SLC35F4: variants seen among roughly 807,000 people sequenced by gnomAD.
SLC35F4 encodes solute carrier family 35 member F4.
A neutral mutation model predicts 44.2 loss-of-function variants in SLC35F4; 24 were observed. The observed-to-expected ratio is 0.54, with a 90% CI of 0.39 to 0.76. The LOEUF is 0.76. Among genes scored for constraint, SLC35F4 ranks in the 30% least tolerant of loss-of-function variants. The pLI is 0.00. For missense variants in SLC35F4, 562 were observed against 586.1 expected (o/e 0.96, Z 0.42); for synonymous variants, 238 against 223.6 (o/e 1.06, Z -0.57).
downstream of SLC35F4, among the ~76,000 whole-genome samples, chr14:57,972,545 A>G (rs201293815): frequency 8.4e-5 from 12 of 142,162 alleles, no homozygotes; most frequent in East Asian, 9.3e-4. Flanking sequence ...GCTGAAGTGG[A>G]AAAAAAAAAA....
intron 1 of SLC35F4, among the ~76,000 whole-genome samples, chr14:57,981,716 C>T (rs973749600): frequency 5.3e-5 from 8 of 152,016 alleles, no homozygotes; most frequent in Non-Finnish European, 1.2e-4. Context: ...CAAAGGAATA[C>T]CTTCAAAGAC....
At chr14:57,795,934 A>G (rs1232215855) in intron 1 of SLC35F4, among the ~76,000 whole-genome samples, 1 of 151,976 alleles carries the variant, frequency 6.6e-6, no homozygotes, top group African/African-American at 2.4e-5. Context: ...CTAGTTTTTC[A>G]ATCCTCGCCC....
chr14:57,867,516 A>G (rs12436116), upstream of SLC35F4, among the ~76,000 whole-genome samples: 3,528 of 152,122 alleles, frequency 0.023, 427 homozygotes, highest in East Asian at 0.39. Context: ...CTAAAAGGTC[A>G]AAAGGAACTA....
At chr14:57,788,111 C>A (rs537551270) in intron 1 of SLC35F4, among the ~76,000 whole-genome samples, 1 of 151,926 alleles carries the variant, frequency 6.6e-6, no homozygotes, top group African/African-American at 2.4e-5. Context: ...AAAACAAGCA[C>A]GGGTAGCTGT....
chr14:57,662,069 G>A (rs902581172), intron 1 of SLC35F4, among the ~76,000 whole-genome samples: 1 of 152,152 alleles, frequency 6.6e-6, no homozygotes, highest in African/African-American at 2.4e-5. Context: ...TAAGGCAGAT[G>A]TCAGAGACTG....
At chr14:57,964,663 T>C (rs1890400389) in intron 1 of SLC35F4, among the ~76,000 whole-genome samples, 1 of 151,946 alleles carries the variant, frequency 6.6e-6, no homozygotes, top group South Asian at 2.1e-4. Context: ...GAGGAAGAGG[T>C]TGTGCAGAAT....
chr14:57,866,504 A>G (rs1888163019), upstream of SLC35F4, among the ~76,000 whole-genome samples: 1 of 152,116 alleles, frequency 6.6e-6, no homozygotes, highest in South Asian at 2.1e-4. Context: ...ATGAAATGAC[A>G]AGAAAATTAG....
chr14:57,617,854 G>A (rs943728868), intron 1 of SLC35F4, among the ~76,000 whole-genome samples: 4 of 152,080 alleles, frequency 2.6e-5, no homozygotes, highest in Non-Finnish European at 5.9e-5. Context: ...TTTACAGGTC[G>A]TGATAGTTTA....
At chr14:57,649,123 C>T (rs1306317134) in intron 1 of SLC35F4, among the ~76,000 whole-genome samples, 3 of 152,236 alleles carry the variant, frequency 2.0e-5, no homozygotes, top group Non-Finnish European at 4.4e-5. Context: ...AAACTTCTCA[C>T]ACCTTTTCCT....
At chr14:57,945,678 G>A (rs539509662) in intron 1 of SLC35F4, among the ~76,000 whole-genome samples, 1 of 152,166 alleles carries the variant, frequency 6.6e-6, no homozygotes, top group South Asian at 2.1e-4. Context: ...TCTACTTTTA[G>A]TTCTTTAAGG....
intron 1 of SLC35F4, among the ~76,000 whole-genome samples, chr14:57,616,171 T>G (rs1373502793): frequency 6.6e-6 from 1 of 152,190 alleles, no homozygotes; most frequent in African/African-American, 2.4e-5. Context: ...TCTCCAGAAC[T>G]TTTTCAGCTT....
At chr14:57,733,833 A>AG (rs2076404204) in intron 1 of SLC35F4, among the ~76,000 whole-genome samples, 1 of 78,384 alleles carries the variant, frequency 1.3e-5, no homozygotes. Flanking sequence ...GTTATAAAGG[A>AG]TAATGCTTGC....
intron 1 of SLC35F4, among the ~76,000 whole-genome samples, chr14:57,878,161 G>T (rs1371898796): frequency 1.3e-5 from 2 of 151,802 alleles, no homozygotes; most frequent in Non-Finnish European, 1.5e-5. Flanking sequence ...TTTTTAATGG[G>T]GCTGTTTGCT....
At chr14:57,889,736 T>C (rs1367186705) in intron 1 of SLC35F4, among the ~76,000 whole-genome samples, 1 of 152,248 alleles carries the variant, frequency 6.6e-6, no homozygotes, top group Non-Finnish European at 1.5e-5. Context: ...CATAAGTTTT[T>C]AAATATCTTT....
chr14:57,896,617 A>G (rs1888876342), intron 1 of SLC35F4, among the ~76,000 whole-genome samples: 1 of 152,156 alleles, frequency 6.6e-6, no homozygotes, highest in Admixed American at 6.5e-5. Context: ...ATGTAAAAAA[A>G]AGTTTTGAAA....
intron 1 of SLC35F4, among the ~76,000 whole-genome samples, chr14:57,903,550 C>A (rs1194057969): frequency 1.3e-5 from 2 of 152,214 alleles, no homozygotes; most frequent in Non-Finnish European, 2.9e-5. Context: ...CCCTTCCCAA[C>A]TGCCTGCCCT....
At position 57,881,893 on chromosome 14, in the gene SLC35F4, C is replaced by T. The variant is rs561278517; in HGVS notation, n.282+100020G>A. Among the ~76,000 whole-genome samples the T allele has an allele frequency of 9.1e-4, 139 of 152,286 alleles. 1 individual carries two copies. The Middle Eastern group carries it at 0.024, about 26-fold the overall frequency. ...TGATTTAGGAGTAATTGCTCATCTT[C>T]CTTATTTCCACGCCTCTTTTCCAGT... On this transcript the variant is annotated intron_variant and non_coding_transcript_variant, in intron 1 of 1. Transcript: ENST00000556568.
intron 1 of SLC35F4, among the ~76,000 whole-genome samples, chr14:57,899,626 C>A (rs1196755922): frequency 6.6e-6 from 1 of 152,168 alleles, no homozygotes; most frequent in Non-Finnish European, 1.5e-5. Flanking sequence ...GTGAAACTAG[C>A]AAACCCAAGG....
chr14:57,958,596 G>A (rs1489678270), intron 1 of SLC35F4, among the ~76,000 whole-genome samples: 2 of 152,034 alleles, frequency 1.3e-5, no homozygotes, highest in African/African-American at 2.4e-5. Flanking sequence ...TGAATACTTC[G>A]TGTGTATACC....
Sources: gnomAD v4.1 joint callset for allele counts (sites outside exome capture counted in the v4.1 genomes callset) on GRCh38, gnomAD v4.1.1 for gene constraint, MANE v1.5 for transcripts, NCBI Gene and HGNC (gene_info 2026-07-23, HGNC 2026-07-21) for gene names.